The following MED25 variants were observed in gnomAD, a reference collection of about 807,000 sequenced individuals.
MED25 encodes mediator of RNA polymerase II transcription subunit 25.
MED25 carries 62 observed loss-of-function variants against 89.4 expected under a neutral mutation model. The ratio of observed to expected loss-of-function variants is 0.69; its 90% CI spans 0.57 to 0.86. The LOEUF (loss-of-function observed/expected upper bound fraction) is 0.86. MED25 is among the 40% of genes least tolerant of loss of function. MED25 has a pLI of 0.00. For synonymous variants in MED25, 449 were observed against 427.9 expected, an observed-to-expected ratio of 1.05 and a Z score of -0.61; for missense variants, 905 against 1,005.2, an observed-to-expected ratio of 0.90 and a Z score of 1.35.
intron 3 of MED25, among the ~76,000 whole-genome samples, chr19:49,820,431 G>T (rs1199909280): frequency 6.6e-6 from 1 of 152,224 alleles, no homozygotes; most frequent in African/African-American, 2.4e-5. Context: ...GTTAGCCTAG[G>T]CACGGGCTTA....
intron 3 of MED25, among the ~76,000 whole-genome samples, chr19:49,823,291 G>C (rs1218919571): frequency 2.6e-5 from 4 of 152,174 alleles, no homozygotes; most frequent in African/African-American, 7.2e-5. Context: ...TTGGTGTGCA[G>C]TATAAGCCTA....
At position 49,831,310 on chromosome 19, in the gene MED25, C is replaced by T. The variant is rs755628973; in HGVS notation, c.1102-23C>T. Reference sequence around the variant, plus strand: ...CTCCCGGCCTTCCCCATTCTCATGGCCCTCCTTCCTCCCCTCTGGCAGGCA... The same window carrying T: ...CTCCCGGCCTTCCCCATTCTCATGGTCCTCCTTCCTCCCCTCTGGCAGGCA... On this transcript the variant is annotated intron_variant, in intron 9 of 17. Coordinates refer to ENST00000312865, the MANE Select transcript of MED25 (RefSeq NM_030973.4). The surrounding 1 kb of genome is among the most constrained non-coding windows in gnomAD (Gnocchi z 5.0). 1 of 1,606,846 alleles carries T rather than the reference C, an allele frequency of 6.2e-7. No individual in the cohort carries two copies. The highest frequency in any genetic ancestry group is 2.2e-5 in the East Asian group (1 of 44,776).
chr19:49,827,926 A>G (rs1478425058), intron 3 of MED25, among the ~76,000 whole-genome samples: 2 of 152,050 alleles, frequency 1.3e-5, no homozygotes, highest in Non-Finnish European at 2.9e-5. Flanking sequence ...CCCAGTCCTC[A>G]TGATTAAAGA....
chr19:49,831,501 G>A lies in MED25; in HGVS notation c.1230+40G>A. The A allele has an allele frequency of 6.2e-7, 1 of 1,600,038 alleles. No individual in the cohort carries two copies. The highest frequency in any genetic ancestry group is 8.5e-7 in the Non-Finnish European group (1 of 1,172,098). Reference sequence around the variant, plus strand: ...GGTCCATTGGGCACTTGGGACTCCTGGGGCCGTGGGGCTGGGCATGTAGGA... The same window carrying A: ...GGTCCATTGGGCACTTGGGACTCCTAGGGCCGTGGGGCTGGGCATGTAGGA... On this transcript the variant is annotated intron_variant, in intron 10 of 17. Coordinates refer to ENST00000312865, the MANE Select transcript of MED25 (RefSeq NM_030973.4). This position sits in a 1 kb window ranked among gnomAD's most constrained non-coding sequence, Gnocchi z 5.0.
In MED25 at chr19:49,820,349, ATTG is replaced by A. The variant is rs567771449; in HGVS notation, c.305+1058_305+1060del. Among the ~76,000 whole-genome samples the A allele has an allele frequency of 6.1e-3, 934 of 152,346 alleles. 15 individuals are homozygous for A. The highest frequency in any genetic ancestry group is 0.022 in the African/African-American group (906 of 41,582). On this transcript the variant is annotated intron_variant, in intron 3 of 17. Transcript: ENST00000312865. ...AGGCAGAACAAAAACAGTTAATCAA[ATTG>A]TTGTAACAGGTTTATAACTCAGGAT...
Position 49,834,020 on chromosome 19 carries a change from A to G in MED25, c.1483-966A>G, listed in dbSNP as rs2074078152. The G allele has an allele frequency of 6.6e-6, 1 of 152,226 alleles. No individual in the cohort carries two copies. Among genetic ancestry groups the G allele is most frequent in the African/African-American group, 2.4e-5 (1 of 41,430 alleles). The allele number at this position is 152,226 out of a possible 1,614,324, so 9.4% of individuals were successfully genotyped here. ...CTCTTGGCCTCTCCTTTATAGTCAC[A>G]AGGTAGCTCTCATGGCTCCACGCAT... On this transcript the variant is annotated intron_variant, in intron 13 of 17. Transcript: ENST00000312865. The surrounding 1 kb of genome is among the most constrained non-coding windows in gnomAD (Gnocchi z 4.1).
intron 3 of MED25, chr19:49,819,717 C>T (rs1045174911): frequency 6.0e-6 from 2 of 335,860 alleles, no homozygotes; most frequent in African/African-American, 4.3e-5. Flanking sequence ...TTTCTGTCCT[C>T]TCTTTTTCCG....
rs546857153 is a variant in MED25 at position 49,829,863 on chromosome 19, G to C, written c.603G>C (p.Pro201=). Residue 201 remains proline (P), a synonymous_variant, in exon 6 of 18, where the codon CCG becomes CCC. Coordinates refer to ENST00000312865, the MANE Select transcript of MED25 (RefSeq NM_030973.4). This position sits in a 1 kb window ranked among gnomAD's most constrained non-coding sequence, Gnocchi z 4.6. ...LRLLFEKAAP[P]ALLEPLQPPT... is the part of the protein sequence containing the mutation. ...TTCTGTTTGAGAAGGCAGCCCCCCC[G>C]GCCTTGCTGGAGCCGCTGCAGCCTC... 4.0e-5 allele frequency: 64 copies of C among 1,612,836 alleles called. No individual in the cohort carries two copies. The South Asian group carries it at 6.8e-4, about 17-fold the overall frequency.
In MED25 at chr19:49,829,003, C is replaced by T. The variant is rs770764179; in HGVS notation, c.438C>T (p.Cys146=). The change falls in exon 5 of 18, where the codon TGC becomes TGT. Residue 146 remains cysteine (C), a synonymous_variant. Coordinates refer to ENST00000312865, the MANE Select transcript of MED25 (RefSeq NM_030973.4). This position sits in a 1 kb window ranked among gnomAD's most constrained non-coding sequence, Gnocchi z 4.6. The stretch of plus-strand genomic sequence containing the variant: ...CGCACCGGGTCTGCCTCCTCATCTG[C>T]AACTCACCCCCATACTTGTTGCCTG... The part of the protein sequence containing the change: ...GQTHRVCLLI[C]NSPPYLLPAV... The T allele has an allele frequency of 2.0e-5, 33 of 1,614,158 alleles. 1 individual carries two copies. In the South Asian group the frequency reaches 3.5e-4, roughly 17 times the overall value.
At chr19:49,838,625 A>C (rs1312873358), downstream of MED25, 2 of 457,266 alleles carry the variant, frequency 4.4e-6, no homozygotes, top group Admixed American at 4.7e-5. Flanking sequence ...TTTCGAGAAA[A>C]ATGGGAGCGA....
At chr19:49,821,662 C>T (rs1336268870) in intron 3 of MED25, among the ~76,000 whole-genome samples, 2 of 151,686 alleles carry the variant, frequency 1.3e-5, no homozygotes, top group African/African-American at 4.8e-5. Context: ...GCTGAAATTA[C>T]AGGCCTTAGC....
At chr19:49,826,494 C>G (rs1385852220) in intron 3 of MED25, among the ~76,000 whole-genome samples, 2 of 152,128 alleles carry the variant, frequency 1.3e-5, no homozygotes, top group East Asian at 3.9e-4. Context: ...GAAATCAGTG[C>G]GAGAACTCAG....
Position 49,830,421 on chromosome 19 carries a change from G to A in MED25, c.820-90G>A. On this transcript the variant is annotated intron_variant, in intron 7 of 17. Coordinates refer to ENST00000312865, the MANE Select transcript of MED25 (RefSeq NM_030973.4). This position sits in a 1 kb window ranked among gnomAD's most constrained non-coding sequence, Gnocchi z 4.6. Reference sequence around the variant, plus strand: ...TAAGCTATCCCAGCTGGTGCCTCATGGGGCCATGGGTGGTGTGACCTCGTG... The same window carrying A: ...TAAGCTATCCCAGCTGGTGCCTCATAGGGCCATGGGTGGTGTGACCTCGTG... 3 of 1,364,330 alleles carry A rather than the reference G, an allele frequency of 2.2e-6. No individual in the cohort carries two copies. Among genetic ancestry groups the A allele is most frequent in the South Asian group, 1.2e-5 (1 of 84,414 alleles). 84.5% of individuals were successfully genotyped at this position (1,364,330 alleles called of 1,614,324 possible). A position where few individuals can be genotyped will look rare whatever the true frequency, so the allele number is the denominator to read the frequency against.
downstream of MED25, among the ~76,000 whole-genome samples, chr19:49,837,485 G>A (rs2074107964): frequency 6.6e-6 from 1 of 152,200 alleles, no homozygotes; most frequent in Non-Finnish European, 1.5e-5. Context: ...GGTTTGTCCT[G>A]GGGACACAGG....
At chr19:49,825,496 T>G (rs1344950654) in intron 3 of MED25, among the ~76,000 whole-genome samples, 6 of 151,874 alleles carry the variant, frequency 4.0e-5, no homozygotes, top group African/African-American at 1.5e-4. Flanking sequence ...TCCGCCCACC[T>G]CGGCCTCCCA....
intron 3 of MED25, among the ~76,000 whole-genome samples, chr19:49,827,690 C>T (rs2074024812): frequency 6.6e-6 from 1 of 152,160 alleles, no homozygotes; most frequent in Non-Finnish European, 1.5e-5. Context: ...GGCTTAGGAC[C>T]TCAACCTGTC....
rs1026172173 is a variant in MED25, at chr19:49,818,319, T to C, written c.-23T>C. ...GCGGCGTCGGCTGCGGCTGCAGTGGTGGTGGCGGGTACCGCACGGGGTATG... is the reference window on the plus strand; with the variant it reads ...GCGGCGTCGGCTGCGGCTGCAGTGGCGGTGGCGGGTACCGCACGGGGTATG... On this transcript the variant is annotated 5_prime_UTR_variant, in exon 1 of 18. Coordinates refer to ENST00000312865, the MANE Select transcript of MED25 (RefSeq NM_030973.4). 12 of 1,564,992 alleles carry C rather than the reference T, an allele frequency of 7.7e-6. No homozygotes were observed. In the African/African-American group the frequency reaches 9.5e-5, roughly 12 times the overall value.
Position 49,819,231 on chromosome 19 carries a change from C to T in MED25, c.240C>T (p.Ser80=). 1 of 1,614,228 alleles carries T rather than the reference C, an allele frequency of 6.2e-7. No individual in the cohort carries two copies. Among genetic ancestry groups the T allele is most frequent in the Non-Finnish European group, 8.5e-7 (1 of 1,180,030 alleles). Residue 80 remains serine (S), a synonymous_variant, in exon 3 of 18, where the codon TCC becomes TCT. Coordinates refer to ENST00000312865, the MANE Select transcript of MED25 (RefSeq NM_030973.4). ...ACACAGTGGACTGCGCTCCCGAGTC[C>T]TACGTACAATGTCACGCTCCCACCA... is the stretch of plus-strand genomic sequence containing the variant. The part of the protein sequence containing the change: ...VFNTVDCAPE[S]YVQCHAPTSS...
chr19:49,830,405 C>T lies in MED25; in HGVS notation c.820-106C>T. 7.9e-7 allele frequency: 1 copy of T among 1,264,986 alleles called. No individual in the cohort carries two copies. Among genetic ancestry groups the T allele is most frequent in the South Asian group, 1.2e-5 (1 of 81,446 alleles). The allele number at this position is 1,264,986 out of a possible 1,614,324, so 78.4% of individuals were successfully genotyped here. A position where few individuals can be genotyped will look rare whatever the true frequency, so the allele number is the denominator to read the frequency against. On this transcript the variant is annotated intron_variant, in intron 7 of 17. Transcript: ENST00000312865. The surrounding 1 kb of genome is among the most constrained non-coding windows in gnomAD (Gnocchi z 4.6). ...GATGGGTGTTGTGAGCTAAGCTATC[C>T]CAGCTGGTGCCTCATGGGGCCATGG... is the stretch of plus-strand genomic sequence containing the variant.
Sources: allele counts gnomAD v4.1 joint callset (sites outside exome capture counted in the v4.1 genomes callset), GRCh38; gene constraint gnomAD v4.1.1; non-coding constraint Gnocchi (gnomAD v3.1); transcripts MANE v1.5; gene names NCBI Gene and HGNC (gene_info 2026-07-23, HGNC 2026-07-21).